Variants in KIF27 observed in about 807,000 individuals in gnomAD.
KIF27 encodes kinesin-like protein KIF27.
Under a neutral mutation model 141.8 loss-of-function variants are expected in KIF27, and 84 were observed. The observed-to-expected ratio is 0.59, with a 90% CI of 0.50 to 0.71. The LOEUF is 0.71. KIF27 is among the 30% of genes least tolerant of loss of function. KIF27 has a pLI of 0.00. For synonymous variants in KIF27, 471 were observed against 569.5 expected, an observed-to-expected ratio of 0.83 and a Z score of 2.46; for missense variants, 1,306 against 1,628.4, an observed-to-expected ratio of 0.80 and a Z score of 3.41.
chr9:83,847,351 T>A (rs1355020302), intron 16 of KIF27, among the ~76,000 whole-genome samples: 1 of 152,256 alleles, frequency 6.6e-6, no homozygotes, highest in Admixed American at 6.5e-5. Context: ...TCCTTTATCA[T>A]GTGACATAAG....
At chr9:83,916,623 A>G (rs1037035198) in intron 1 of KIF27, among the ~76,000 whole-genome samples, 2 of 151,822 alleles carry the variant, frequency 1.3e-5, no homozygotes, top group East Asian at 1.9e-4. Flanking sequence ...CTAAAAATAT[A>G]TATAAACAAA....
intron 5 of KIF27, among the ~76,000 whole-genome samples, chr9:83,893,203 C>A (rs1178054475): frequency 6.6e-6 from 1 of 152,154 alleles, no homozygotes; most frequent in African/African-American, 2.4e-5. Context: ...TGCCACTGTG[C>A]CCCAGCCTGG....
chr9:83,915,298 A>G lies in KIF27; in HGVS notation c.294T>C (p.His98=), dbSNP rs1404359712. The change falls in exon 2 of 18, where the codon CAT becomes CAC. Residue 98 remains histidine (H), a synonymous_variant. Coordinates refer to ENST00000297814, the MANE Select transcript of KIF27 (RefSeq NM_017576.4). ...CAAAGAGTATAAGAATCTTACCAAT[A>G]TGGCCCCCTCCAATGGTGTATGTCT... The part of the protein sequence containing the change: ...SGKTYTIGGG[H]IASVVEGQKG... The G allele has an allele frequency of 1.3e-6, 2 of 1,593,150 alleles. No individual in the cohort carries two copies. The highest frequency in any genetic ancestry group is 1.7e-6 in the Non-Finnish European group (2 of 1,170,890).
Position 83,859,312 on chromosome 9 carries a change from C to T in KIF27, c.2994G>A (p.Leu998=), listed in dbSNP as rs117193939. ...TCTGGAGCTGCACATTCTTTTCAGA[C>T]AACTCTTGTTCCAGTAAGTTCAGGC... The part of the protein sequence containing the change: ...STRLNLLEQE[L]SEKNVQLQTS... The change falls in exon 14 of 18, where the codon TTG becomes TTA. Residue 998 remains leucine, a synonymous_variant. Coordinates refer to ENST00000297814, the MANE Select transcript of KIF27 (RefSeq NM_017576.4). The T allele has an allele frequency of 4.6e-4, 747 of 1,614,048 alleles. 6 individuals carry two copies. In the East Asian group the frequency reaches 0.014, roughly 30 times the overall value.
intron 5 of KIF27, among the ~76,000 whole-genome samples, chr9:83,895,985 G>T (rs542967592): frequency 7.8e-4 from 111 of 142,774 alleles, no homozygotes; most frequent in Admixed American, 6.4e-3. Flanking sequence ...CTAGGAGGCA[G>T]AGGTTACAGT....
At position 83,848,098 on chromosome 9, in the gene KIF27, ATATGATATC is replaced by A. The variant is rs1311509887; in HGVS notation, c.3556+1992_3556+2000del. Among the ~76,000 whole-genome samples the A allele has an allele frequency of 9.6e-5, 6 of 62,716 alleles. 2 individuals carry two copies. The highest frequency in any genetic ancestry group is 6.4e-4 in the African/African-American group (6 of 9,350). 41.1% of individuals were successfully genotyped at this position (62,716 alleles called of 152,430 possible). On this transcript the variant is annotated intron_variant, in intron 16 of 17. Transcript: ENST00000297814. ...ATATGATATATCATATATATGATAT[ATATGATATC>A]TCATATCTGATATATCTGATATCTC...
At chr9:83,880,006 G>C (rs1011002060) in intron 11 of KIF27, 2 of 503,754 alleles carry the variant, frequency 4.0e-6, no homozygotes, top group African/African-American at 3.8e-5. Context: ...TAGAAAGTTG[G>C]CTTTATAAAT....
intron 14 of KIF27, among the ~76,000 whole-genome samples, chr9:83,857,090 A>C (rs1949311491): frequency 6.6e-6 from 1 of 151,648 alleles, no homozygotes; most frequent in Non-Finnish European, 1.5e-5. Flanking sequence ...AAAAAAAAAA[A>C]AAAAAGCGGT....
chr9:83,912,031 T>TA (rs2132736702), intron 2 of KIF27, among the ~76,000 whole-genome samples: 1 of 152,302 alleles, frequency 6.6e-6, no homozygotes, highest in South Asian at 2.1e-4. Flanking sequence ...TGAAAGTAGT[T>TA]AAAATGGTAA....
In KIF27 at chr9:83,891,348, C is replaced by G; in HGVS notation, c.1756G>C (p.Asp586His). Reference protein sequence around the residue: ...PERRPYTVPFDTHLGHYIYIP... With the variant: ...PERRPYTVPFHTHLGHYIYIP... ...TAAATATAATGCCCCAAATGAGTAT[C>G]AAATGGTACAGTATATGGTCTCCTT... The change falls in exon 6 of 18, where the codon GAT becomes CAT. Residue 586 changes from aspartate to histidine, a missense_variant. By Grantham distance (81) the Asp-to-His change is moderately conservative. Coordinates refer to ENST00000297814, the MANE Select transcript of KIF27 (RefSeq NM_017576.4). The G allele has an allele frequency of 6.2e-7, 1 of 1,613,682 alleles. No homozygotes were observed. Among genetic ancestry groups the G allele is most frequent in the Non-Finnish European group, 8.5e-7 (1 of 1,179,724 alleles).
chr9:83,865,921 T>A (rs901216622), intron 13 of KIF27, among the ~76,000 whole-genome samples: 4 of 152,192 alleles, frequency 2.6e-5, no homozygotes, highest in Admixed American at 2.6e-4. Context: ...TCTTTTTAGA[T>A]GTTTCAGAAA....
At chr9:83,848,109 C>CAT (rs375222138) in intron 16 of KIF27, among the ~76,000 whole-genome samples, 1,741 of 24,326 alleles carry the variant, frequency 0.072, 524 homozygotes, top group African/African-American at 0.16. Context: ...TATGATATCT[C>CAT]ATATCTGATA....
At chr9:83,918,930 G>T (rs890253818) in intron 1 of KIF27, among the ~76,000 whole-genome samples, 2 of 152,098 alleles carry the variant, frequency 1.3e-5, no homozygotes, top group Non-Finnish European at 2.9e-5. Flanking sequence ...ACAAAAATTA[G>T]ACGGGCATGG....
chr9:83,864,177 G>A (rs1179361615), intron 13 of KIF27, among the ~76,000 whole-genome samples: 1 of 152,154 alleles, frequency 6.6e-6, no homozygotes, highest in African/African-American at 2.4e-5. Flanking sequence ...ATCTCCTTCA[G>A]TTCTGCTCTG....
intron 10 of KIF27, among the ~76,000 whole-genome samples, chr9:83,882,640 C>G (rs944364775): frequency 1.3e-5 from 2 of 152,050 alleles, no homozygotes; most frequent in African/African-American, 4.8e-5. Context: ...ACTATGTCTT[C>G]TTTCTGTCCT....
chr9:83,854,557 T>C (rs1347252831), intron 14 of KIF27, among the ~76,000 whole-genome samples: 1 of 152,194 alleles, frequency 6.6e-6, no homozygotes, highest in African/African-American at 2.4e-5. Flanking sequence ...CTACAAGTTC[T>C]CTTTTTCCTT....
Position 83,887,033 on chromosome 9 carries a change from A to G in KIF27, c.2239+8T>C. Reference sequence around the variant, plus strand: ...TCTCATTTAAGCTGGTTCACAAGATACTATTACCTGTTTTTATTAATTCTT... The same window carrying G: ...TCTCATTTAAGCTGGTTCACAAGATGCTATTACCTGTTTTTATTAATTCTT... On this transcript the variant is annotated splice_region_variant and intron_variant, in intron 9 of 17. Coordinates refer to ENST00000297814, the MANE Select transcript of KIF27 (RefSeq NM_017576.4). 1 of 1,566,746 alleles carries G rather than the reference A, an allele frequency of 6.4e-7. No individual in the cohort carries two copies. The highest frequency in any genetic ancestry group is 1.4e-5 in the African/African-American group (1 of 71,864).
Position 83,903,862 on chromosome 9 carries a change from T to A in KIF27, c.656A>T (p.His219Leu). The A allele has an allele frequency of 1.2e-6, 2 of 1,614,204 alleles. No homozygotes were observed. The highest frequency in any genetic ancestry group is 8.5e-7 in the Non-Finnish European group (1 of 1,180,044). Residue 219 changes from histidine (H) to leucine (L), a missense_variant, in exon 4 of 18, where the codon CAT becomes CTT. Physicochemically the swap from His to Leu is moderately conservative, Grantham distance 99. Around this residue, in one of 4 missense-constraint regions of KIF27, gnomAD observed 533 missense variants for 565.6 expected, o/e 0.94. Coordinates refer to ENST00000297814, the MANE Select transcript of KIF27 (RefSeq NM_017576.4). Reference sequence around the variant, plus strand: ...ATCTTCAGCTGCCTCCATATTTTTATGAACTTGACAAATGCTGATTGTAAA... The same window carrying A: ...ATCTTCAGCTGCCTCCATATTTTTAAGAACTTGACAAATGCTGATTGTAAA... ...AIFTISICQV[H>L]KNMEAAEDGS...
intron 11 of KIF27, among the ~76,000 whole-genome samples, chr9:83,879,210 G>A (rs1951476897): frequency 1.4e-5 from 2 of 147,834 alleles, no homozygotes; most frequent in Admixed American, 6.7e-5. Flanking sequence ...AAGTTAAAAT[G>A]GTAAATTTTA....
Sources: gnomAD v4.1 joint callset for allele counts (sites outside exome capture counted in the v4.1 genomes callset) on GRCh38, gnomAD v4.1.1 for gene constraint, gnomAD v4.1.1 regional missense constraint, MANE v1.5 for transcripts, NCBI Gene and HGNC (gene_info 2026-07-23, HGNC 2026-07-21) for gene names.